Variants in NDRG1 observed in about 807,000 individuals in gnomAD.
The protein encoded by NDRG1 is N-myc downstream regulated 1.
A neutral mutation model predicts 56.9 loss-of-function variants in NDRG1; 32 were observed. The ratio of observed to expected loss-of-function variants is 0.56; its 90% CI spans 0.42 to 0.76. The LOEUF is 0.76. Ranked by LOEUF, NDRG1 falls within the 30% of genes least tolerant of loss-of-function variation. The pLI is 0.00. For synonymous variants in NDRG1, 211 were observed against 204.1 expected (o/e 1.03, Z -0.29); for missense variants, 507 against 545.7 (o/e 0.93, Z 0.71).
In NDRG1 at chr8:133,284,405, T is replaced by C. The variant is rs560712264; in HGVS notation, c.-18-76A>G. ...CTAAAGGAAGCAAATCCAAGACCAA[T>C]GGCAAGAAGGCCAGGCCTGCGCTCT... On this transcript the variant is annotated intron_variant, in intron 1 of 15. Coordinates refer to ENST00000323851, the MANE Select transcript of NDRG1 (RefSeq NM_006096.4). 20 of 1,371,880 alleles carry C rather than the reference T, an allele frequency of 1.5e-5. No homozygotes were observed. The Admixed American group carries it at 2.2e-4, about 15-fold the overall frequency. 85.0% of individuals were successfully genotyped at this position (1,371,880 alleles called of 1,614,324 possible). A position where few individuals can be genotyped will look rare whatever the true frequency, so the allele number is the denominator to read the frequency against.
At chr8:133,293,971 T>A (rs570571637) in intron 1 of NDRG1, among the ~76,000 whole-genome samples, 1 of 152,220 alleles carries the variant, frequency 6.6e-6, no homozygotes, top group African/African-American at 2.4e-5. Context: ...GCCTTGAGAA[T>A]GTCTTCTGCG....
intron 1 of NDRG1, chr8:133,296,449 G>GT: frequency 2.2e-6 from 1 of 455,356 alleles, no homozygotes; most frequent in Non-Finnish European, 4.4e-6. Context: ...TCCGGCTCGC[G>GT]TGTTGCACTG....
chr8:133,280,995 T>A (rs1028983655), intron 2 of NDRG1: 10 of 152,258 alleles, frequency 6.6e-5, no homozygotes, highest in African/African-American at 2.2e-4. Flanking sequence ...TGGACCTGGA[T>A]TAAATTTCAG....
At position 133,237,699 on chromosome 8, in the gene NDRG1, C is replaced by T. The variant is rs1041250053; in HGVS notation, c.*1179G>A. 1.3e-5 allele frequency: 3 copies of T among 231,642 alleles called. No individual in the cohort carries two copies. Among genetic ancestry groups the T allele is most frequent in the South Asian group, 1.8e-4 (1 of 5,480 alleles). The allele number at this position is 231,642 out of a possible 1,614,324, so 14.3% of individuals were successfully genotyped here. ...CGCTCCCCACGTGAGTTCCCACCCC[C>T]ACCCCGACAAGAGCAAAGAGTTCTG... On this transcript the variant is annotated 3_prime_UTR_variant, in exon 16 of 16. Coordinates refer to ENST00000323851, the MANE Select transcript of NDRG1 (RefSeq NM_006096.4).
chr8:133,292,059 G>A (rs1196688805), intron 1 of NDRG1, among the ~76,000 whole-genome samples: 1 of 152,196 alleles, frequency 6.6e-6, no homozygotes, highest in Non-Finnish European at 1.5e-5. Context: ...CGAGTAATTT[G>A]TTTGGCAGAC....
At chr8:133,285,416 T>A (rs951654025) in intron 1 of NDRG1, among the ~76,000 whole-genome samples, 1 of 152,166 alleles carries the variant, frequency 6.6e-6, no homozygotes, top group African/African-American at 2.4e-5. Context: ...GGAAAACGCC[T>A]GACCAAAGCC....
chr8:133,248,882 C>A, intron 10 of NDRG1, 111 bp from the exon 11 acceptor site: 1 of 1,152,574 alleles, frequency 8.7e-7, no homozygotes, highest in Non-Finnish European at 1.3e-6. Context: ...TGGTAAGCTA[C>A]CCACATCCCC....
In NDRG1 at chr8:133,238,777, C is replaced by A; in HGVS notation, c.*101G>T. On this transcript the variant is annotated 3_prime_UTR_variant, in exon 16 of 16. Coordinates refer to ENST00000323851, the MANE Select transcript of NDRG1 (RefSeq NM_006096.4). ...TTACAAAATAAGCTTTGGATTAATACCGAGTTAGGCGCAGTATGGCAGGCA... is the reference window on the plus strand; with the variant it reads ...TTACAAAATAAGCTTTGGATTAATAACGAGTTAGGCGCAGTATGGCAGGCA... 7.5e-7 allele frequency: 1 copy of A among 1,336,264 alleles called. No homozygotes were observed. Among genetic ancestry groups the A allele is most frequent in the South Asian group, 1.4e-5 (1 of 71,208 alleles). The allele number at this position is 1,336,264 out of a possible 1,614,324, so 82.8% of individuals were successfully genotyped here. A position where few individuals can be genotyped will look rare whatever the true frequency, so the allele number is the denominator to read the frequency against.
chr8:133,281,459 C>G (rs902770017), intron 2 of NDRG1, among the ~76,000 whole-genome samples: 1 of 152,170 alleles, frequency 6.6e-6, no homozygotes, highest in East Asian at 1.9e-4. Context: ...AGTCTTGTGT[C>G]CCCTCTGGCC....
chr8:133,287,163 T>C (rs924159452), intron 1 of NDRG1, among the ~76,000 whole-genome samples: 18 of 152,110 alleles, frequency 1.2e-4, no homozygotes, highest in African/African-American at 4.1e-4. Context: ...GTTCAACATA[T>C]AAAAATGTTA....
intron 4 of NDRG1, among the ~76,000 whole-genome samples, chr8:133,263,654 G>T (rs1428561257): frequency 6.6e-6 from 1 of 152,190 alleles, no homozygotes; most frequent in African/African-American, 2.4e-5. Flanking sequence ...AATGGCTCAT[G>T]CCTGTAATCC....
chr8:133,260,547 C>A (rs965820855), intron 5 of NDRG1, among the ~76,000 whole-genome samples: 1 of 152,200 alleles, frequency 6.6e-6, no homozygotes, highest in Non-Finnish European at 1.5e-5. Flanking sequence ...TAAAACTTCA[C>A]CAGGGGGAAC....
chr8:133,294,784 A>T (rs936084681), intron 1 of NDRG1, among the ~76,000 whole-genome samples: 14 of 152,064 alleles, frequency 9.2e-5, no homozygotes, highest in South Asian at 2.1e-4. Context: ...ATTTACACTT[A>T]AAAAAAATCA....
intron 13 of NDRG1, among the ~76,000 whole-genome samples, chr8:133,245,550 G>A (rs1406003712): frequency 6.6e-6 from 1 of 152,096 alleles, no homozygotes; most frequent in Non-Finnish European, 1.5e-5. Flanking sequence ...GCAGAGACTG[G>A]AGTGATGTGT....
chr8:133,264,482 G>T, intron 4 of NDRG1, 65 bp downstream of exon 4: 2 of 1,456,546 alleles, frequency 1.4e-6, no homozygotes, highest in Non-Finnish European at 1.9e-6. Context: ...GCCCTTCTCG[G>T]CTGCCTTTTT....
intron 13 of NDRG1, 167 bp from the exon 14 acceptor site, chr8:133,244,557 AC>A: frequency 2.6e-6 from 2 of 755,376 alleles, no homozygotes; most frequent in Non-Finnish European, 2.3e-6. Flanking sequence ...CTCCAGCCCC[AC>A]CAGGCAAGGC....
At position 133,258,556 on chromosome 8, in the gene NDRG1, C is replaced by A. The variant is rs1856499729; in HGVS notation, c.390-130G>T. ...GGGAGCATGCTGCCGTAACTGCCTG[C>A]ACAGCTCTGAGGTCACCATGCTTTA... On this transcript the variant is annotated intron_variant, in intron 6 of 15. Coordinates refer to ENST00000323851, the MANE Select transcript of NDRG1 (RefSeq NM_006096.4). The A allele has an allele frequency of 4.6e-6, 4 of 872,864 alleles. No homozygotes were observed. In the South Asian group the frequency reaches 5.7e-5, roughly 13 times the overall value. 54.1% of individuals were successfully genotyped at this position (872,864 alleles called of 1,614,324 possible). A position where few individuals can be genotyped will look rare whatever the true frequency, so the allele number is the denominator to read the frequency against.
rs1856530196 is a variant in NDRG1, at chr8:133,259,054, T to C, written c.389+114A>G. On this transcript the variant is annotated intron_variant, in intron 6 of 15. Coordinates refer to ENST00000323851, the MANE Select transcript of NDRG1 (RefSeq NM_006096.4). ...TGACGAGCTAATTTCTTGCCTCATC[T>C]CTAAATTGCAACCTTAATTTTAGTG... 6.3e-6 allele frequency: 7 copies of C among 1,108,898 alleles called. No individual in the cohort carries two copies. The East Asian group carries it at 1.6e-4, about 26-fold the overall frequency. 68.7% of individuals were successfully genotyped at this position (1,108,898 alleles called of 1,614,324 possible).
chr8:133,264,721 C>T lies in NDRG1; in HGVS notation c.100-69G>A, dbSNP rs563217224. 31 of 1,306,080 alleles carry T rather than the reference C, an allele frequency of 2.4e-5. No homozygotes were observed. In the Middle Eastern group the frequency reaches 5.5e-4, roughly 23 times the overall value. 80.9% of individuals were successfully genotyped at this position (1,306,080 alleles called of 1,614,324 possible). ...TGGCATCCGCGTGGCTGAAGACAGC[C>T]AGCCTGTTTCCAACTGTGTTTTGAG... On this transcript the variant is annotated intron_variant, in intron 3 of 15. Transcript: ENST00000323851.
Sources: allele counts gnomAD v4.1 joint callset (sites outside exome capture counted in the v4.1 genomes callset), GRCh38; gene constraint gnomAD v4.1.1; transcripts MANE v1.5; gene names NCBI Gene and HGNC (gene_info 2026-07-23, HGNC 2026-07-21).